The following ERGIC1 variants were observed in gnomAD, a reference collection of about 807,000 sequenced individuals.
The protein encoded by ERGIC1 is endoplasmic reticulum-golgi intermediate compartment 1, also known as endoplasmic reticulum-Golgi intermediate compartment protein 1.
A neutral mutation model predicts 38.3 loss-of-function variants in ERGIC1; 19 were observed. The observed-to-expected ratio is 0.50, with a 90% confidence interval of 0.35 to 0.73. The LOEUF is 0.73. Ranked by LOEUF, ERGIC1 falls within the 30% of genes least tolerant of loss-of-function variation. The pLI is 0.01. For missense variants in ERGIC1, 294 were observed against 389.2 expected (o/e 0.76, Z 2.06); for synonymous variants, 124 against 157.6 (o/e 0.79, Z 1.60).
intron 1 of ERGIC1, among the ~76,000 whole-genome samples, chr5:172,878,164 G>A (rs1762192852): frequency 6.6e-6 from 1 of 152,202 alleles, no homozygotes; most frequent in Non-Finnish European, 1.5e-5. Flanking sequence ...TAGAAGTGGA[G>A]GCTGCTGGAG....
At chr5:172,872,445 GCA>G (rs1762041063) in intron 1 of ERGIC1, among the ~76,000 whole-genome samples, 1 of 152,150 alleles carries the variant, frequency 6.6e-6, no homozygotes, top group African/African-American at 2.4e-5. Flanking sequence ...TCTTAATCCT[GCA>G]CTGTGCTTTT....
intron 3 of ERGIC1, among the ~76,000 whole-genome samples, chr5:172,903,621 A>G (rs1356088630): frequency 1.3e-5 from 2 of 152,190 alleles, no homozygotes; most frequent in African/African-American, 4.8e-5. Flanking sequence ...GAGCATCGAT[A>G]TTAATAATAA....
rs576412303 is a variant in ERGIC1, at chr5:172,914,606, C to T, written c.251-108C>T. On this transcript the variant is annotated intron_variant, in intron 4 of 9. Coordinates refer to ENST00000393784, the MANE Select transcript of ERGIC1 (RefSeq NM_001031711.3). Reference sequence around the variant, plus strand: ...CATGAGCTCCTGGAGGTCCCCAGCCCGGCCTGCCCCTGCAATGGATGAATG... The same window carrying T: ...CATGAGCTCCTGGAGGTCCCCAGCCTGGCCTGCCCCTGCAATGGATGAATG... 1.5e-4 allele frequency: 235 copies of T among 1,589,226 alleles called. 4 individuals carry two copies. Among genetic ancestry groups the T allele is most frequent in the South Asian group, 6.0e-4 (54 of 89,354 alleles).
intron 5 of ERGIC1, among the ~76,000 whole-genome samples, chr5:172,922,815 T>C (rs900627073): frequency 1.9e-4 from 29 of 152,178 alleles, no homozygotes; most frequent in South Asian, 4.1e-4. Flanking sequence ...TGAGATCTGA[T>C]GTAGGGTTTA....
At chr5:172,927,345 G>A (rs1174465868) in intron 7 of ERGIC1, among the ~76,000 whole-genome samples, 2 of 152,040 alleles carry the variant, frequency 1.3e-5, no homozygotes, top group African/African-American at 4.8e-5. Flanking sequence ...CATTGTCAGG[G>A]ATCCAAGGCA....
chr5:172,949,936 G>A (rs61026581), intron 9 of ERGIC1, among the ~76,000 whole-genome samples: 3,375 of 152,262 alleles, frequency 0.022, 112 homozygotes, highest in African/African-American at 0.075. Context: ...AGCCAGGCGC[G>A]GTGGCAGGCA....
chr5:172,877,410 A>ATGTG (rs34909688), intron 1 of ERGIC1, among the ~76,000 whole-genome samples: 1,837 of 102,274 alleles, frequency 0.018, 29 homozygotes, highest in African/African-American at 0.036. Context: ...TATTATATAT[A>ATGTG]TGTGTGTGTG....
rs1284677491 is a variant in ERGIC1, at chr5:172,858,874, G to GT, written c.20+24442dup. ...AAGTCCATGCTTCCCTGCCCTGTGGGTAACACGGGGGAGATTACTGTTTGA... is the reference window on the plus strand; with the variant it reads ...AAGTCCATGCTTCCCTGCCCTGTGGGTTAACACGGGGGAGATTACTGTTTGA... On this transcript the variant is annotated intron_variant, in intron 1 of 9. Transcript: ENST00000393784. Among the ~76,000 whole-genome samples the GT allele has an allele frequency of 2.6e-5, 4 of 152,364 alleles. No homozygotes were observed. The East Asian group carries it at 7.7e-4, about 29-fold the overall frequency.
intron 1 of ERGIC1, among the ~76,000 whole-genome samples, chr5:172,862,041 G>C (rs1257715485): frequency 6.6e-6 from 1 of 151,670 alleles, no homozygotes; most frequent in Admixed American, 6.6e-5. Context: ...ACCCAGGCTA[G>C]AGTGCAATGG....
Position 172,935,324 on chromosome 5 carries a change from G to A in ERGIC1, c.765+14G>A, listed in dbSNP as rs1209699695. 2 of 1,613,818 alleles carry A rather than the reference G, an allele frequency of 1.2e-6. No individual in the cohort carries two copies. Among genetic ancestry groups the A allele is most frequent in the Non-Finnish European group, 8.5e-7 (1 of 1,180,022 alleles). On this transcript the variant is annotated intron_variant, in intron 9 of 9. Transcript: ENST00000393784. ...TTCATCACCACGGTGAGTGGCCTGG[G>A]GCAGTGGGTGGGGCCCTGAGCCAGC...
intron 1 of ERGIC1, among the ~76,000 whole-genome samples, chr5:172,849,325 G>A (rs729342): frequency 0.64 from 96,881 of 151,954 alleles, 32,776 homozygotes; most frequent in Non-Finnish European, 0.76. Flanking sequence ...GCGGATCCGG[G>A]AGAGTCAGAT....
At chr5:172,880,606 G>C (rs904400259) in intron 1 of ERGIC1, among the ~76,000 whole-genome samples, 1 of 152,194 alleles carries the variant, frequency 6.6e-6, no homozygotes, top group Admixed American at 6.5e-5. Flanking sequence ...GATGACAGGC[G>C]TGGGCACCAC....
Position 172,932,400 on chromosome 5 carries a change from G to A in ERGIC1, c.542-36G>A, listed in dbSNP as rs769449158. Reference sequence around the variant, plus strand: ...ATAGAGCTGTCAGCGGGCAGTGCCCGTCCCCCTGCTTCATTCTGCTGTGTC... The same window carrying A: ...ATAGAGCTGTCAGCGGGCAGTGCCCATCCCCCTGCTTCATTCTGCTGTGTC... On this transcript the variant is annotated intron_variant, in intron 7 of 9. Transcript: ENST00000393784. 6.7e-5 allele frequency: 107 copies of A among 1,603,358 alleles called. No individual in the cohort carries two copies. The South Asian group carries it at 7.5e-4, about 11-fold the overall frequency.
In ERGIC1 at chr5:172,834,366, G is replaced by C. The variant is rs1760974637; in HGVS notation, c.-48G>C. On this transcript the variant is annotated 5_prime_UTR_variant, in exon 1 of 10. Coordinates refer to ENST00000393784, the MANE Select transcript of ERGIC1 (RefSeq NM_001031711.3). The surrounding 1 kb of genome is among the most constrained non-coding windows in gnomAD (Gnocchi z 4.1). The stretch of plus-strand genomic sequence containing the variant: ...GGCAGCGGGCTCGGACCCACGCGGC[G>C]CCGCGGCCCGCCTGGCCTGCAGCGC... 1 of 1,264,394 alleles carries C rather than the reference G, an allele frequency of 7.9e-7. No individual in the cohort carries two copies. The highest frequency in any genetic ancestry group is 9.9e-7 in the Non-Finnish European group (1 of 1,005,120). 78.3% of individuals were successfully genotyped at this position (1,264,394 alleles called of 1,614,324 possible). A position where few individuals can be genotyped will look rare whatever the true frequency, so the allele number is the denominator to read the frequency against.
At chr5:172,854,479 G>A (rs888175410) in intron 1 of ERGIC1, among the ~76,000 whole-genome samples, 1 of 152,280 alleles carries the variant, frequency 6.6e-6, no homozygotes, top group African/African-American at 2.4e-5. Context: ...GCCACTGTCT[G>A]TTGGGTTTGC....
chr5:172,898,302 G>GC (rs1284374389), intron 3 of ERGIC1: 2 of 154,946 alleles, frequency 1.3e-5, no homozygotes, highest in East Asian at 1.9e-4. Context: ...GGAGGGAGCT[G>GC]CCCCCTCTTT....
chr5:172,884,171 G>A (rs1183560521), intron 1 of ERGIC1, among the ~76,000 whole-genome samples: 1 of 150,770 alleles, frequency 6.6e-6, no homozygotes, highest in African/African-American at 2.4e-5. Flanking sequence ...TTATCCAATG[G>A]CTTATAATCT....
chr5:172,861,577 C>G (rs1043075511), intron 1 of ERGIC1, among the ~76,000 whole-genome samples: 1 of 152,216 alleles, frequency 6.6e-6, no homozygotes, highest in Non-Finnish European at 1.5e-5. Context: ...AAGCATCACA[C>G]TGATCTACTA....
intron 2 of ERGIC1, among the ~76,000 whole-genome samples, chr5:172,890,106 A>G: frequency 6.6e-6 from 1 of 152,198 alleles, no homozygotes; most frequent in East Asian, 1.9e-4. Flanking sequence ...CAAGTGAGAA[A>G]GGTTGGCATG....
Sources: gnomAD v4.1 joint callset for allele counts (sites outside exome capture counted in the v4.1 genomes callset) on GRCh38, gnomAD v4.1.1 for gene constraint, Gnocchi (gnomAD v3.1) non-coding constraint, MANE v1.5 for transcripts, NCBI Gene and HGNC (gene_info 2026-07-23, HGNC 2026-07-21) for gene names.